USP15: variants seen among roughly 807,000 people sequenced by gnomAD.
The protein encoded by USP15 is ubiquitin specific peptidase 15.
In USP15, 18 loss-of-function variants were observed where a neutral mutation model predicts 127.1. The ratio of observed to expected loss-of-function variants is 0.14; its 90% CI spans 0.10 to 0.21. The LOEUF is 0.21. USP15 is among the 10% of genes least tolerant of loss of function. The probability of loss-of-function intolerance (pLI) is 1.00; values close to 1 mark genes in which losing one functional copy is unlikely to be tolerated. For missense variants in USP15, 805 were observed against 1,159.9 expected, an observed-to-expected ratio of 0.69 and a Z score of 4.44; for synonymous variants, 364 against 393.7, an observed-to-expected ratio of 0.92 and a Z score of 0.89.
At chr12:62,274,303 TG>T (rs1372048243) in intron 1 of USP15, 2 of 151,752 alleles carry the variant, frequency 1.3e-5, no homozygotes, top group Non-Finnish European at 2.9e-5. Flanking sequence ...AAAACCAGCC[TG>T]GGGAACATAG....
At chr12:62,354,501 AT>A (rs2066059206) in intron 7 of USP15, among the ~76,000 whole-genome samples, 1 of 151,952 alleles carries the variant, frequency 6.6e-6, no homozygotes, top group African/African-American at 2.4e-5. Context: ...CTATTAAAAA[AT>A]AAGAAAGAAT....
At chr12:62,368,891 T>C (rs994065414) in intron 8 of USP15, among the ~76,000 whole-genome samples, 2 of 152,350 alleles carry the variant, frequency 1.3e-5, no homozygotes, top group African/African-American at 4.8e-5. Context: ...TGCTGTTTTT[T>C]CATAGTGTCA....
At chr12:62,307,145 T>A (rs1233277888) in intron 3 of USP15, among the ~76,000 whole-genome samples, 3 of 152,108 alleles carry the variant, frequency 2.0e-5, no homozygotes, top group Non-Finnish European at 4.4e-5. Context: ...GTTTTCGAAT[T>A]ACCTCGCAGA....
At chr12:62,288,054 A>G (rs1397727155) in intron 1 of USP15, among the ~76,000 whole-genome samples, 1 of 152,054 alleles carries the variant, frequency 6.6e-6, no homozygotes, top group Non-Finnish European at 1.5e-5. Flanking sequence ...TTTGCTTAGT[A>G]TTGCTTAATC....
chr12:62,391,124 G>T, intron 15 of USP15, 33 bp from the exon 16 acceptor site: 2 of 1,576,434 alleles, frequency 1.3e-6, no homozygotes, highest in Non-Finnish European at 1.7e-6. Context: ...ATAGCATTGG[G>T]TTTATTTAAA....
chr12:62,266,519 GCTAT>G (rs894892097), intron 1 of USP15, among the ~76,000 whole-genome samples: 58 of 152,056 alleles, frequency 3.8e-4, no homozygotes, highest in African/African-American at 1.3e-3. Flanking sequence ...AGTCAATTTT[GCTAT>G]CTTAGTCTTG....
intron 21 of USP15, among the ~76,000 whole-genome samples, chr12:62,403,599 C>T (rs2067765141): frequency 6.6e-6 from 1 of 151,954 alleles, no homozygotes; most frequent in Non-Finnish European, 1.5e-5. Context: ...ATTGACAACT[C>T]TGTTTATCAC....
chr12:62,313,716 A>G (rs2064748173), intron 3 of USP15, among the ~76,000 whole-genome samples: 1 of 151,860 alleles, frequency 6.6e-6, no homozygotes. Flanking sequence ...ATTTATTAGC[A>G]GAAGGAGAGG....
intron 1 of USP15, among the ~76,000 whole-genome samples, chr12:62,287,155 T>G (rs1240282386): frequency 6.6e-6 from 1 of 151,674 alleles, no homozygotes; most frequent in Non-Finnish European, 1.5e-5. Context: ...CAATAGACAC[T>G]GGGGATTCCA....
chr12:62,293,638 A>G (rs1313082253), intron 1 of USP15, among the ~76,000 whole-genome samples: 1 of 152,134 alleles, frequency 6.6e-6, no homozygotes, highest in Non-Finnish European at 1.5e-5. Context: ...TTACAGGCGT[A>G]AGCCACTGCG....
chr12:62,353,112 C>T (rs2066009891), intron 7 of USP15, among the ~76,000 whole-genome samples: 1 of 151,844 alleles, frequency 6.6e-6, no homozygotes, highest in Admixed American at 6.6e-5. Context: ...CTTAATATTT[C>T]ATTTAGAGCA....
intron 1 of USP15, among the ~76,000 whole-genome samples, chr12:62,275,829 T>C (rs1235895230): frequency 6.6e-6 from 1 of 152,066 alleles, no homozygotes; most frequent in Non-Finnish European, 1.5e-5. Context: ...GACAGGCTTC[T>C]GACTGCTTTG....
At position 62,408,512 on chromosome 12, in the gene USP15, A is replaced by T. The variant is rs1447120765; in HGVS notation, c.*4137A>T. The T allele has an allele frequency of 6.6e-6, 1 of 152,156 alleles. No homozygotes were observed. Among genetic ancestry groups the T allele is most frequent in the Non-Finnish European group, 1.5e-5 (1 of 68,008 alleles). 9.4% of individuals were successfully genotyped at this position (152,156 alleles called of 1,614,324 possible). ...AGCTCCTTTCTAGGGCCATAGAATA[A>T]GAGTAGAAGTTTTTGCTCATTTTTT... is the stretch of plus-strand genomic sequence containing the variant. On this transcript the variant is annotated 3_prime_UTR_variant, in exon 22 of 22. Coordinates refer to ENST00000280377, the MANE Select transcript of USP15 (RefSeq NM_001252078.2).
intron 1 of USP15, among the ~76,000 whole-genome samples, chr12:62,278,285 A>G (rs2137079314): frequency 6.6e-6 from 1 of 152,254 alleles, no homozygotes; most frequent in Non-Finnish European, 1.5e-5. Flanking sequence ...TTCCTGAAGG[A>G]CCTGCCTGAG....
At chr12:62,300,242 T>G (rs1259681913) in intron 2 of USP15, among the ~76,000 whole-genome samples, 3 of 152,184 alleles carry the variant, frequency 2.0e-5, no homozygotes, top group Non-Finnish European at 4.4e-5. Context: ...TTATGTAAGA[T>G]TTATACTTAC....
intron 1 of USP15, among the ~76,000 whole-genome samples, chr12:62,264,315 A>G (rs2063145655): frequency 6.6e-6 from 1 of 152,206 alleles, no homozygotes; most frequent in Non-Finnish European, 1.5e-5. Context: ...AAATGGGCCT[A>G]TTATGAGTAA....
At position 62,407,333 on chromosome 12, in the gene USP15, C is replaced by T. The variant is rs2067900674; in HGVS notation, c.*2958C>T. On this transcript the variant is annotated 3_prime_UTR_variant, in exon 22 of 22. Coordinates refer to ENST00000280377, the MANE Select transcript of USP15 (RefSeq NM_001252078.2). ...TATTCTATCCTCAGATATATACTAC[C>T]TCTCACTGTGTTATAGTGTCTGCCT... The T allele has an allele frequency of 6.6e-6, 1 of 152,160 alleles. No individual in the cohort carries two copies. The highest frequency in any genetic ancestry group is 2.1e-4 in the South Asian group (1 of 4,832). The allele number at this position is 152,160 out of a possible 1,614,324, so 9.4% of individuals were successfully genotyped here.
intron 4 of USP15, among the ~76,000 whole-genome samples, chr12:62,315,888 T>C (rs75687042): frequency 0.041 from 6,206 of 152,284 alleles, 170 homozygotes; most frequent in African/African-American, 0.057. Context: ...GCTTGGTTAA[T>C]CCTAATGTTT....
At chr12:62,350,878 A>G (rs1007367951) in intron 7 of USP15, among the ~76,000 whole-genome samples, 2 of 152,142 alleles carry the variant, frequency 1.3e-5, no homozygotes, top group East Asian at 1.9e-4. Flanking sequence ...CTCCTGCCTC[A>G]GCCTCCCAAG....
Sources: gnomAD v4.1 joint callset for allele counts (sites outside exome capture counted in the v4.1 genomes callset) on GRCh38, gnomAD v4.1.1 for gene constraint, MANE v1.5 for transcripts, NCBI Gene and HGNC (gene_info 2026-07-23, HGNC 2026-07-21) for gene names.